The following DIXDC1 variants were observed in gnomAD, a reference collection of about 807,000 sequenced individuals.
The protein encoded by DIXDC1 is DIX domain containing 1.
Under a neutral mutation model 103.1 loss-of-function variants are expected in DIXDC1, and 64 were observed. That is an observed-to-expected ratio of 0.62 (90% CI 0.51 to 0.76). DIXDC1 has a LOEUF of 0.76. Among genes scored for constraint, DIXDC1 ranks in the 30% least tolerant of loss-of-function variants. The pLI is 0.00. For synonymous variants in DIXDC1, 266 were observed against 298.5 expected (o/e 0.89, Z 1.12); for missense variants, 759 against 834.2 (o/e 0.91, Z 1.11).
At position 111,982,327 on chromosome 11, in the gene DIXDC1, T is replaced by A; in HGVS notation, c.770-12T>A. On this transcript the variant is annotated splice_polypyrimidine_tract_variant and intron_variant, in intron 6 of 19. Coordinates refer to ENST00000440460, the MANE Select transcript of DIXDC1 (RefSeq NM_001037954.4). Reference sequence around the variant, plus strand: ...TTCAACATGAACTGTACTCCCTCTTTTCATTTTTTAGAAGGGACAGATTCT... The same window carrying A: ...TTCAACATGAACTGTACTCCCTCTTATCATTTTTTAGAAGGGACAGATTCT... 7 of 1,611,104 alleles carry A rather than the reference T, an allele frequency of 4.3e-6. No homozygotes were observed. Among genetic ancestry groups the A allele is most frequent in the Non-Finnish European group, 5.9e-6 (7 of 1,179,066 alleles).
chr11:111,931,157 A>AC (rs1430816476), intron 2 of DIXDC1, among the ~76,000 whole-genome samples: 7 of 150,388 alleles, frequency 4.7e-5, no homozygotes, highest in East Asian at 3.9e-4. Flanking sequence ...ACTGGCCGAG[A>AC]CCCCCCCTTT....
intron 1 of DIXDC1, among the ~76,000 whole-genome samples, chr11:111,944,489 G>C (rs959584500): frequency 1.3e-5 from 2 of 152,192 alleles, no homozygotes; most frequent in African/African-American, 2.4e-5. Flanking sequence ...AAACCTGTTT[G>C]GAAGGAAGGG....
chr11:111,976,566 T>C lies in DIXDC1; in HGVS notation c.656+1583T>C, dbSNP rs1488087031. ...CCCTGGGGAAGGAGAGGGCTTCTTG[T>C]GGCTATCTGGAACCCAGCAGGTTCC... On this transcript the variant is annotated intron_variant, in intron 5 of 19. Coordinates refer to ENST00000440460, the MANE Select transcript of DIXDC1 (RefSeq NM_001037954.4). The surrounding 1 kb of genome is among the most constrained non-coding windows in gnomAD (Gnocchi z 4.3). Among the ~76,000 whole-genome samples the C allele has an allele frequency of 6.6e-6, 1 of 152,156 alleles. No homozygotes were observed. Among genetic ancestry groups the C allele is most frequent in the Non-Finnish European group, 1.5e-5 (1 of 68,018 alleles).
At chr11:111,933,662 G>T (rs1966104683), upstream of DIXDC1, among the ~76,000 whole-genome samples, 1 of 132,722 alleles carries the variant, frequency 7.5e-6, no homozygotes, top group African/African-American at 2.9e-5. Context: ...TTGGGCAGCA[G>T]AGTGAGATGA....
chr11:111,980,519 G>A (rs1388114926), intron 5 of DIXDC1, among the ~76,000 whole-genome samples: 1 of 152,170 alleles, frequency 6.6e-6, no homozygotes, highest in African/African-American at 2.4e-5. Flanking sequence ...GAGAGACTTT[G>A]TAGGACTGGG....
At position 112,017,395 on chromosome 11, in the gene DIXDC1, G is replaced by A. The variant is rs1343489511; in HGVS notation, c.1863-382G>A. On this transcript the variant is annotated intron_variant, in intron 18 of 19. Transcript: ENST00000440460. The surrounding 1 kb of genome is among the most constrained non-coding windows in gnomAD (Gnocchi z 4.0). ...TAGAGGGATAAAGATCATGATACTT[G>A]ATTTGATTCTACCATCCTAGAGAAT... Among the ~76,000 whole-genome samples, 1 of 152,168 alleles carries A rather than the reference G, an allele frequency of 6.6e-6. No individual in the cohort carries two copies.
chr11:111,963,171 G>A (rs587638210), intron 1 of DIXDC1, among the ~76,000 whole-genome samples: 130 of 152,288 alleles, frequency 8.5e-4, no homozygotes, highest in African/African-American at 3.1e-3. Context: ...ATTGGATGAC[G>A]ATGACAAAAA....
intron 1 of DIXDC1, among the ~76,000 whole-genome samples, chr11:111,960,877 A>G (rs1348057587): frequency 2.0e-5 from 3 of 152,198 alleles, no homozygotes; most frequent in African/African-American, 7.2e-5. Context: ...GACTCAAATC[A>G]GCTTTACAAG....
At chr11:111,978,051 C>G (rs1167974703) in intron 5 of DIXDC1, among the ~76,000 whole-genome samples, 6 of 152,072 alleles carry the variant, frequency 3.9e-5, no homozygotes, top group African/African-American at 1.4e-4. Context: ...TAGAACTCTT[C>G]CTTATTGCCT....
intron 16 of DIXDC1, 42 bp from the exon 17 acceptor site, chr11:111,996,038 C>T (rs782422495): frequency 1.9e-6 from 3 of 1,594,078 alleles, no homozygotes; most frequent in Admixed American, 1.7e-5. Context: ...GTTAAGTTCT[C>T]TCATTGATCA....
intron 1 of DIXDC1, among the ~76,000 whole-genome samples, chr11:111,939,943 C>G (rs990355326): frequency 2.0e-5 from 3 of 152,194 alleles, no homozygotes; most frequent in Non-Finnish European, 4.4e-5. Context: ...ACACATGTAT[C>G]CAGTCACCTC....
intron 2 of DIXDC1, among the ~76,000 whole-genome samples, chr11:111,965,912 A>AAAC (rs1859711908): frequency 6.6e-6 from 1 of 152,204 alleles, no homozygotes; most frequent in Non-Finnish European, 1.5e-5. Flanking sequence ...GATCTGCTTT[A>AAAC]ATTCCAAAGC....
At chr11:111,988,751 T>G (rs587629603) in intron 9 of DIXDC1, among the ~76,000 whole-genome samples, 164 of 152,326 alleles carry the variant, frequency 1.1e-3, no homozygotes, top group African/African-American at 3.8e-3. Context: ...ATGGGGTATC[T>G]TCTTTCTTGG....
intron 2 of DIXDC1, 70 bp downstream of exon 2, chr11:111,964,748 C>G (rs1361490307): frequency 6.8e-7 from 1 of 1,470,754 alleles, no homozygotes; most frequent in South Asian, 1.4e-5. Context: ...CCTTCTTATG[C>G]CCTTTAGAGC....
At chr11:111,988,532 G>A (rs1860578460) in intron 9 of DIXDC1, among the ~76,000 whole-genome samples, 1 of 152,036 alleles carries the variant, frequency 6.6e-6, no homozygotes, top group Non-Finnish European at 1.5e-5. Context: ...ATGTGTTTTT[G>A]TTTGGCCCAC....
At chr11:112,004,026 TTATATATATA>T (rs34490826) in intron 17 of DIXDC1, among the ~76,000 whole-genome samples, 4 of 128,516 alleles carry the variant, frequency 3.1e-5, no homozygotes, top group African/African-American at 1.2e-4. Flanking sequence ...AAAAAAAAAA[TTATATATATA>T]TATATATATA....
intron 17 of DIXDC1, among the ~76,000 whole-genome samples, chr11:111,997,516 AGTAGAGATGGG>A (rs1299389976): frequency 6.6e-6 from 1 of 152,180 alleles, no homozygotes; most frequent in African/African-American, 2.4e-5. Flanking sequence ...TTGTATTTTT[AGTAGAGATGGG>A]GTTTCGCCAT....
chr11:111,973,909 T>G, intron 3 of DIXDC1, 114 bp from the exon 4 acceptor site: 2 of 938,252 alleles, frequency 2.1e-6, no homozygotes, highest in Non-Finnish European at 3.2e-6. Flanking sequence ...AGACCCTGAC[T>G]GCCTTGCTTA....
At chr11:111,994,680 T>TATATTTACCA (rs1555175102) in intron 14 of DIXDC1, among the ~76,000 whole-genome samples, 2 of 151,986 alleles carry the variant, frequency 1.3e-5, no homozygotes, top group African/African-American at 4.8e-5. Flanking sequence ...TCACCATTAT[T>TATATTTACCA]TTTAAATTAC....
Sources: allele counts gnomAD v4.1 joint callset (sites outside exome capture counted in the v4.1 genomes callset), GRCh38; gene constraint gnomAD v4.1.1; non-coding constraint Gnocchi (gnomAD v3.1); transcripts MANE v1.5; gene names NCBI Gene and HGNC (gene_info 2026-07-23, HGNC 2026-07-21).